ENO2: variants seen among roughly 807,000 people sequenced by gnomAD.
ENO2 encodes the protein enolase 2.
In ENO2, 19 loss-of-function variants were observed where a neutral mutation model predicts 48.7. The ratio of observed to expected loss-of-function variants is 0.39; its 90% CI spans 0.27 to 0.57. The LOEUF is 0.57. ENO2 is among the 20% of genes least tolerant of loss of function. The pLI, the probability that ENO2 is intolerant of heterozygous loss-of-function variation, is 0.58. For missense variants in ENO2, 416 were observed against 555.0 expected, an observed-to-expected ratio of 0.75 and a Z score of 2.52; for synonymous variants, 198 against 213.4, an observed-to-expected ratio of 0.93 and a Z score of 0.63.
chr12:6,920,376 G>C (rs914476519), intron 8 of ENO2, among the ~76,000 whole-genome samples: 14 of 137,760 alleles, frequency 1.0e-4, no homozygotes, highest in African/African-American at 2.9e-4. Flanking sequence ...TTTTTTTGGG[G>C]GGGGGGTGGG....
At chr12:6,917,194 G>A (rs1555141703) in intron 5 of ENO2, 87 bp downstream of exon 5, 28 of 1,512,798 alleles carry the variant, frequency 1.9e-5, no homozygotes, top group Non-Finnish European at 2.5e-5. Flanking sequence ...TGCTGTAGTG[G>A]CTTCCTCAGG....
intron 8 of ENO2, among the ~76,000 whole-genome samples, chr12:6,920,717 C>CT (rs781865832): frequency 0.2 from 19,191 of 95,046 alleles, 3,715 homozygotes; most frequent in Non-Finnish European, 0.31. Flanking sequence ...TTTTAATTAA[C>CT]TTTTTTTTTT....
chr12:6,916,195 G>A lies in ENO2; in HGVS notation c.86-222G>A, dbSNP rs375389852. Among the ~76,000 whole-genome samples the A allele has an allele frequency of 1.6e-4, 25 of 151,530 alleles. No homozygotes were observed. Among genetic ancestry groups the A allele is most frequent in the African/African-American group, 5.6e-4 (23 of 41,240 alleles). Reference sequence around the variant, plus strand: ...GTGCTGCAAGCAATTTTCTTTCTGCGGGCTCCCACTTGTGCATGTGGGGCC... The same window carrying A: ...GTGCTGCAAGCAATTTTCTTTCTGCAGGCTCCCACTTGTGCATGTGGGGCC... On this transcript the variant is annotated intron_variant, in intron 2 of 11. Coordinates refer to ENST00000229277, the MANE Select transcript of ENO2 (RefSeq NM_001975.3). This position sits in a 1 kb window ranked among gnomAD's most constrained non-coding sequence, Gnocchi z 4.5.
chr12:6,918,353 ATT>A (rs111900701), intron 7 of ENO2, among the ~76,000 whole-genome samples, 191 bp downstream of exon 7: 21 of 141,538 alleles, frequency 1.5e-4, no homozygotes, highest in African/African-American at 2.6e-4. Flanking sequence ...GGGGGACAGT[ATT>A]TTTTTTTTTT....
chr12:6,919,825 T>G (rs1945324120), intron 8 of ENO2, 62 bp downstream of exon 8: 2 of 1,567,876 alleles, frequency 1.3e-6, no homozygotes, highest in East Asian at 4.5e-5. Flanking sequence ...CCAGCAACTC[T>G]GGACCTTATG....
At chr12:6,919,479 C>T in intron 7 of ENO2, 87 bp from the exon 8 acceptor site, 4 of 1,467,848 alleles carry the variant, frequency 2.7e-6, no homozygotes, top group Middle Eastern at 2.2e-4. Flanking sequence ...CAGCCCTCCA[C>T]CTCTGCCCTG....
Position 6,916,569 on chromosome 12 carries a change from CA to C in ENO2, c.181+58del. 6.2e-7 allele frequency: 1 copy of C among 1,611,558 alleles called. No individual in the cohort carries two copies. Among genetic ancestry groups the C allele is most frequent in the East Asian group, 2.2e-5 (1 of 44,876 alleles). ...CCACCTCAGCCTTATGCCCCTACCT[CA>C]CACCAGTCCCCAGTCCTCCTCTAGC... On this transcript the variant is annotated intron_variant, in intron 3 of 11. Coordinates refer to ENST00000229277, the MANE Select transcript of ENO2 (RefSeq NM_001975.3). The surrounding 1 kb of genome is among the most constrained non-coding windows in gnomAD (Gnocchi z 4.5).
Position 6,916,858 on chromosome 12 carries a change from A to T in ENO2, c.240+129A>T. 1 of 1,418,276 alleles carries T rather than the reference A, an allele frequency of 7.1e-7. No homozygotes were observed. Among genetic ancestry groups the T allele is most frequent in the Non-Finnish European group, 9.7e-7 (1 of 1,030,212 alleles). 87.9% of individuals were successfully genotyped at this position (1,418,276 alleles called of 1,614,324 possible). A position where few individuals can be genotyped will look rare whatever the true frequency, so the allele number is the denominator to read the frequency against. ...TGGTTACAAGGGGGAAGGGTGGGGA[A>T]CAGCTTCCTTAATGCACCCTGCTCC... is the stretch of plus-strand genomic sequence containing the variant. On this transcript the variant is annotated intron_variant, in intron 4 of 11. Transcript: ENST00000229277. This position sits in a 1 kb window ranked among gnomAD's most constrained non-coding sequence, Gnocchi z 4.5.
chr12:6,920,739 T>TC (rs1945333673), intron 8 of ENO2, among the ~76,000 whole-genome samples: 1 of 142,972 alleles, frequency 7.0e-6, no homozygotes, highest in East Asian at 2.2e-4. Context: ...TTTTTTTTTT[T>TC]TGTAGAGACA....
At chr12:6,915,743 C>A in intron 1 of ENO2, 78 bp from the exon 2 acceptor site, 4 of 745,680 alleles carry the variant, frequency 5.4e-6, no homozygotes, top group Non-Finnish European at 8.5e-6. Flanking sequence ...CTCCCAGCCT[C>A]CCGCCCCGCC....
chr12:6,915,828 C>A lies in ENO2; in HGVS notation c.-5C>A. ...TCCCTTCCACCCGAGGAGATCCCAGCCATCATGTCCATAGAGAAGATCTGG... is the reference window on the plus strand; with the variant it reads ...TCCCTTCCACCCGAGGAGATCCCAGACATCATGTCCATAGAGAAGATCTGG... On this transcript the variant is annotated 5_prime_UTR_variant, in exon 2 of 12. Transcript: ENST00000229277. The A allele has an allele frequency of 6.2e-7, 1 of 1,613,730 alleles. No individual in the cohort carries two copies. The highest frequency in any genetic ancestry group is 8.5e-7 in the Non-Finnish European group (1 of 1,179,832).
rs1449503595 is a variant in ENO2 at position 6,914,785 on chromosome 12, T to G, written c.-13+126T>G. ...TGGCCCGGTGCAGCTGCGCACCTGC[T>G]CCGCCGCCCGCGCCCAGGGCGCCTT... On this transcript the variant is annotated intron_variant, in intron 1 of 11. Coordinates refer to ENST00000229277, the MANE Select transcript of ENO2 (RefSeq NM_001975.3). This position sits in a 1 kb window ranked among gnomAD's most constrained non-coding sequence, Gnocchi z 7.1. 3 of 153,086 alleles carry G rather than the reference T, an allele frequency of 2.0e-5. No individual in the cohort carries two copies. The highest frequency in any genetic ancestry group is 7.3e-5 in the African/African-American group (3 of 41,210). The allele number at this position is 153,086 out of a possible 1,614,324, so 9.5% of individuals were successfully genotyped here.
rs188691381 is a variant in ENO2, at chr12:6,920,152, A to G, written c.865+389A>G. The stretch of plus-strand genomic sequence containing the variant: ...AGCTGGGACTGATGTGTGAGTAGAA[A>G]GAAGGCTGAGGGGGACTGAATTAGC... On this transcript the variant is annotated intron_variant, in intron 8 of 11. Coordinates refer to ENST00000229277, the MANE Select transcript of ENO2 (RefSeq NM_001975.3). Among the ~76,000 whole-genome samples the G allele has an allele frequency of 1.3e-4, 20 of 152,236 alleles. No individual in the cohort carries two copies. In the East Asian group the frequency reaches 3.7e-3, roughly 28 times the overall value.
At position 6,922,873 on chromosome 12, in the gene ENO2, G is replaced by T. The variant is rs1265936627; in HGVS notation, c.*73G>T. 6.4e-7 allele frequency: 1 copy of T among 1,558,206 alleles called. No homozygotes were observed. Among genetic ancestry groups the T allele is most frequent in the Non-Finnish European group, 8.8e-7 (1 of 1,132,404 alleles). On this transcript the variant is annotated 3_prime_UTR_variant, in exon 12 of 12. Coordinates refer to ENST00000229277, the MANE Select transcript of ENO2 (RefSeq NM_001975.3). The surrounding 1 kb of genome is among the most constrained non-coding windows in gnomAD (Gnocchi z 5.3). The stretch of plus-strand genomic sequence containing the variant: ...AACCTTGCTGTCCTGATCTGTGATA[G>T]TTCACCCCCTGAGATCCCCTGAGCC...
intron 1 of ENO2, chr12:6,915,581 A>T (rs1378629506): frequency 2.0e-6 from 1 of 502,554 alleles, no homozygotes; most frequent in Non-Finnish European, 3.6e-6. Flanking sequence ...ATTTGATCTT[A>T]CCCCGCCCCC....
Position 6,916,914 on chromosome 12 carries a change from G to T in ENO2, c.241-124G>T. The T allele has an allele frequency of 6.9e-7, 1 of 1,441,132 alleles. No individual in the cohort carries two copies. The highest frequency in any genetic ancestry group is 9.6e-7 in the Non-Finnish European group (1 of 1,039,088). 89.3% of individuals were successfully genotyped at this position (1,441,132 alleles called of 1,614,324 possible). On this transcript the variant is annotated intron_variant, in intron 4 of 11. Coordinates refer to ENST00000229277, the MANE Select transcript of ENO2 (RefSeq NM_001975.3). The surrounding 1 kb of genome is among the most constrained non-coding windows in gnomAD (Gnocchi z 4.5). ...GAGTTCAGGTCCCCTAATCCAGGTAGGCCCCTGTCACAGGGACCTGGTTGG... is the reference window on the plus strand; with the variant it reads ...GAGTTCAGGTCCCCTAATCCAGGTATGCCCCTGTCACAGGGACCTGGTTGG...
intron 1 of ENO2, chr12:6,915,561 C>T: frequency 2.1e-6 from 1 of 483,988 alleles, no homozygotes; most frequent in Non-Finnish European, 3.8e-6. Flanking sequence ...CAGTGTTCTC[C>T]CATCTCATCA....
intron 5 of ENO2, 160 bp from the exon 6 acceptor site, chr12:6,917,421 G>C: frequency 9.9e-7 from 1 of 1,010,982 alleles, no homozygotes; most frequent in South Asian, 1.7e-5. Context: ...TCCTCTCCCT[G>C]CTGTTTTCAA....
rs782444687 is a variant in ENO2 at position 6,922,840 on chromosome 12, C to A, written c.*40C>A. On this transcript the variant is annotated 3_prime_UTR_variant, in exon 12 of 12. Transcript: ENST00000229277. The surrounding 1 kb of genome is among the most constrained non-coding windows in gnomAD (Gnocchi z 5.3). ...TGGAGACGTGGAACCTCTGTCTCATCCTCCTGGAACCTTGCTGTCCTGATC... is the reference window on the plus strand; with the variant it reads ...TGGAGACGTGGAACCTCTGTCTCATACTCCTGGAACCTTGCTGTCCTGATC... 2.0e-5 allele frequency: 32 copies of A among 1,604,230 alleles called. No individual in the cohort carries two copies. The highest frequency in any genetic ancestry group is 2.7e-5 in the Non-Finnish European group (32 of 1,171,606).
Sources: allele counts gnomAD v4.1 joint callset (sites outside exome capture counted in the v4.1 genomes callset), GRCh38; gene constraint gnomAD v4.1.1; non-coding constraint Gnocchi (gnomAD v3.1); transcripts MANE v1.5; gene names NCBI Gene and HGNC (gene_info 2026-07-23, HGNC 2026-07-21).